Variants in CCT8 observed in about 807,000 individuals in gnomAD.
CCT8 encodes the protein chaperonin containing TCP1 subunit 8, also known as T-complex protein 1 subunit theta.
A neutral mutation model predicts 65.7 loss-of-function variants in CCT8; 10 were observed. The ratio of observed to expected loss-of-function variants is 0.15; its 90% confidence interval spans 0.09 to 0.26. The LOEUF is 0.26. CCT8 is among the 10% of genes least tolerant of loss of function. The probability of loss-of-function intolerance (pLI) is 1.00; values close to 1 mark genes in which losing one functional copy is unlikely to be tolerated. For missense variants in CCT8, 568 were observed against 669.1 expected (o/e 0.85, Z 1.67); for synonymous variants, 199 against 221.8 (o/e 0.90, Z 0.92).
chr21:29,070,082 G>A (rs1270058157), intron 2 of CCT8, among the ~76,000 whole-genome samples, 165 bp downstream of exon 2: 2 of 152,132 alleles, frequency 1.3e-5, no homozygotes, highest in Admixed American at 6.5e-5. Context: ...AGAGATGTGA[G>A]TTGATTGAAA....
rs2085497878 is a variant in CCT8, at chr21:29,056,334, T to C, written c.*141A>G. ...TCATTAGACAATAAGGCTTTGACAG[T>C]AACAATATGTTTATTATAACATCCA... is the stretch of plus-strand genomic sequence containing the variant. On this transcript the variant is annotated 3_prime_UTR_variant, in exon 15 of 15. Coordinates refer to ENST00000286788, the MANE Select transcript of CCT8 (RefSeq NM_006585.4). 1.9e-5 allele frequency: 9 copies of C among 462,814 alleles called. No homozygotes were observed. The South Asian group carries it at 4.4e-4, about 23-fold the overall frequency. The allele number at this position is 462,814 out of a possible 1,614,324, so 28.7% of individuals were successfully genotyped here.
At chr21:29,061,845 G>C (rs1194153648) in intron 11 of CCT8, among the ~76,000 whole-genome samples, 3 of 152,172 alleles carry the variant, frequency 2.0e-5, no homozygotes, top group African/African-American at 7.2e-5. Flanking sequence ...ACTAAGAACT[G>C]CTTTAGCAAC....
chr21:29,060,445 G>T, intron 14 of CCT8, 96 bp downstream of exon 14: 1 of 1,290,208 alleles, frequency 7.8e-7, no homozygotes. Flanking sequence ...AGAATCCTTT[G>T]AATTAGAACT....
At chr21:29,060,755 T>G (rs1250993474) in intron 13 of CCT8, 95 bp from the exon 14 acceptor site, 4 of 1,336,802 alleles carry the variant, frequency 3.0e-6, no homozygotes, top group Non-Finnish European at 2.1e-6. Flanking sequence ...TAAATAGTAC[T>G]GGAAAGTAAC....
chr21:29,062,609 T>C (rs2085576812), intron 8 of CCT8, 53 bp from the exon 9 acceptor site: 4 of 1,444,058 alleles, frequency 2.8e-6, no homozygotes, highest in Non-Finnish European at 3.8e-6. Flanking sequence ...TCAGATAGCA[T>C]ATAAAGTTCA....
At chr21:29,068,592 TG>T (rs2085649361) in intron 3 of CCT8, among the ~76,000 whole-genome samples, 1 of 152,124 alleles carries the variant, frequency 6.6e-6, no homozygotes, top group Non-Finnish European at 1.5e-5. Flanking sequence ...ACTGAGTAGC[TG>T]GAACTACAGG....
chr21:29,071,989 C>CTGT (rs200313570), intron 1 of CCT8: 199 of 697,444 alleles, frequency 2.9e-4, no homozygotes, highest in African/African-American at 1.8e-3. Context: ...GCCCTACAAC[C>CTGT]TGTTGTTGTT....
At chr21:29,062,618 C>A in intron 8 of CCT8, 62 bp from the exon 9 acceptor site, 3 of 1,347,292 alleles carry the variant, frequency 2.2e-6, no homozygotes, top group South Asian at 2.5e-5. Flanking sequence ...ATATAAAGTT[C>A]AAATTAAAGA....
intron 6 of CCT8, among the ~76,000 whole-genome samples, chr21:29,065,422 C>T (rs894157198): frequency 6.6e-6 from 1 of 152,206 alleles, no homozygotes; most frequent in Non-Finnish European, 1.5e-5. Context: ...GCTGTCAGTA[C>T]TGCAAATACA....
chr21:29,064,044 A>G (rs1176448251), intron 7 of CCT8, among the ~76,000 whole-genome samples: 3 of 152,152 alleles, frequency 2.0e-5, no homozygotes, highest in African/African-American at 7.2e-5. Flanking sequence ...CAGGCGTGAG[A>G]TACCGTGCCC....
At position 29,065,088 on chromosome 21, in the gene CCT8, G is replaced by C; in HGVS notation, c.642C>G (p.Ser214=). Residue 214 remains serine, a synonymous_variant, in exon 7 of 15, where the codon TCC becomes TCG. Coordinates refer to ENST00000286788, the MANE Select transcript of CCT8 (RefSeq NM_006585.4). ...VCKILGSGIS[S]SSVLHGMVFK... ...AAACCATGCCATGCAATACTGAAGA[G>C]GAACTGATACCAGAGCCCTAAGGAA... 6.2e-7 allele frequency: 1 copy of C among 1,613,990 alleles called. No individual in the cohort carries two copies. Among genetic ancestry groups the C allele is most frequent in the Non-Finnish European group, 8.5e-7 (1 of 1,179,964 alleles).
chr21:29,068,727 A>G (rs1223179605), intron 3 of CCT8, among the ~76,000 whole-genome samples: 1 of 152,312 alleles, frequency 6.6e-6, no homozygotes, highest in East Asian at 1.9e-4. Context: ...GACCTCCCAA[A>G]GTGGTGGGAT....
In CCT8 at chr21:29,072,642, C is replaced by T. The variant is rs149529789; in HGVS notation, c.60+889G>A. ...ACCTAGTTCTATTAAACTGTTAATG[C>T]TCCCCGTACCTCGCATAAAACCTTA... is the stretch of plus-strand genomic sequence containing the variant. On this transcript the variant is annotated intron_variant, in intron 1 of 14. Transcript: ENST00000286788. 1.5e-4 allele frequency among the ~76,000 whole-genome samples: 23 copies of T among 152,320 alleles called. 1 individual carries two copies. In the East Asian group the frequency reaches 3.3e-3, roughly 22 times the overall value.
At chr21:29,070,150 G>T in intron 2 of CCT8, 97 bp downstream of exon 2, 1 of 623,424 alleles carries the variant, frequency 1.6e-6, no homozygotes, top group Non-Finnish European at 2.6e-6. Context: ...ATTAACTTCC[G>T]AAGTCATACC....
At chr21:29,058,728 A>C (rs2146420145) in intron 14 of CCT8, among the ~76,000 whole-genome samples, 1 of 150,904 alleles carries the variant, frequency 6.6e-6, no homozygotes, top group South Asian at 2.1e-4. Context: ...AGTAGCTGGG[A>C]CTACAGGCAT....
At position 29,056,508 on chromosome 21, in the gene CCT8, C is replaced by T; in HGVS notation, c.1614G>A (p.Gly538=). The T allele has an allele frequency of 3.2e-6, 5 of 1,544,404 alleles. No homozygotes were observed. Among genetic ancestry groups the T allele is most frequent in the Non-Finnish European group, 4.4e-6 (5 of 1,144,246 alleles). Residue 538 remains glycine, a synonymous_variant, in exon 15 of 15, where the codon GGG becomes GGA. Coordinates refer to ENST00000286788, the MANE Select transcript of CCT8 (RefSeq NM_006585.4). ...KPAGGPKPPS[G]KKDWDDDQND ...TTTGGTCATCATCCCAGTCTTTCTT[C>T]CCACTTGGAGGCTTGGGCCCACCAG...
At chr21:29,073,453 G>T in intron 1 of CCT8, 78 bp downstream of exon 1, 1 of 1,607,562 alleles carries the variant, frequency 6.2e-7, no homozygotes, top group Non-Finnish European at 8.5e-7. Context: ...CAGCCCGTTA[G>T]TAGGCCCTCC....
Position 29,073,618 on chromosome 21 carries a change from G to A in CCT8, c.-28C>T, listed in dbSNP as rs370503716. 2.5e-6 allele frequency: 4 copies of A among 1,610,586 alleles called. No individual in the cohort carries two copies. The highest frequency in any genetic ancestry group is 2.2e-5 in the East Asian group (1 of 44,872). ...CCAGCCTGCAGGAAGCAGTTCACGC[G>A]ACCGCTCGGAAGACCGCGGAGGAAG... On this transcript the variant is annotated 5_prime_UTR_variant, in exon 1 of 15. Transcript: ENST00000286788.
chr21:29,070,796 GTACTTCAAGTAGAA>G (rs1198786546), intron 1 of CCT8, among the ~76,000 whole-genome samples: 1 of 152,094 alleles, frequency 6.6e-6, no homozygotes, highest in Non-Finnish European at 1.5e-5. Context: ...AGGGTATGAG[GTACTTCAAGTAGAA>G]TACCTTTCCA....
Sources: allele counts gnomAD v4.1 joint callset (sites outside exome capture counted in the v4.1 genomes callset), GRCh38; gene constraint gnomAD v4.1.1; transcripts MANE v1.5; gene names NCBI Gene and HGNC (gene_info 2026-07-23, HGNC 2026-07-21).